Variants in MAP2K4 observed in about 807,000 individuals in gnomAD.
MAP2K4 encodes the protein mitogen-activated protein kinase kinase 4, also known as dual specificity mitogen-activated protein kinase kinase 4.
A neutral mutation model predicts 48.5 loss-of-function variants in MAP2K4; 4 were observed. The observed-to-expected ratio is 0.08, with a 90% CI of 0.04 to 0.19. MAP2K4 has a LOEUF of 0.19. Ranked by LOEUF, MAP2K4 falls within the 10% of genes least tolerant of loss-of-function variation. The pLI, the probability that MAP2K4 is intolerant of heterozygous loss-of-function variation, is 1.00. For synonymous variants in MAP2K4, 166 were observed against 173.1 expected, an observed-to-expected ratio of 0.96 and a Z score of 0.32; for missense variants, 258 against 493.3, an observed-to-expected ratio of 0.52 and a Z score of 4.52.
intron 2 of MAP2K4, among the ~76,000 whole-genome samples, chr17:12,080,503 C>T (rs1269759593): frequency 6.6e-6 from 1 of 152,024 alleles, no homozygotes; most frequent in African/African-American, 2.4e-5. Flanking sequence ...ACTTTGATCT[C>T]CAGGTTGAGA....
At chr17:12,023,521 C>G (rs28918081) in intron 1 of MAP2K4, among the ~76,000 whole-genome samples, 2,493 of 152,254 alleles carry the variant, frequency 0.016, 103 homozygotes, top group Admixed American at 0.094. Flanking sequence ...AACTTCCTTT[C>G]TGGGAGTTGT....
In MAP2K4 at chr17:12,133,644, G is replaced by A. The variant is rs536935184; in HGVS notation, c.1040+4357G>A. Among the ~76,000 whole-genome samples, 941 of 152,112 alleles carry A rather than the reference G, an allele frequency of 6.2e-3. 2 individuals carry two copies. The highest frequency in any genetic ancestry group is 0.036 in the East Asian group (185 of 5,186). Reference sequence around the variant, plus strand: ...GAAAAATTCTTTATTTGTCCTGGGGGAAGAAAAAACAAAAAATGTTATTCT... The same window carrying A: ...GAAAAATTCTTTATTTGTCCTGGGGAAAGAAAAAACAAAAAATGTTATTCT... On this transcript the variant is annotated intron_variant, in intron 9 of 10. Coordinates refer to ENST00000353533, the MANE Select transcript of MAP2K4 (RefSeq NM_003010.4).
rs1971192285 is a variant in MAP2K4 at position 12,081,732 on chromosome 17, A to G, written c.393+202A>G. Among the ~76,000 whole-genome samples, 1 of 152,194 alleles carries G rather than the reference A, an allele frequency of 6.6e-6. No individual in the cohort carries two copies. Among genetic ancestry groups the G allele is most frequent in the African/African-American group, 2.4e-5 (1 of 41,446 alleles). On this transcript the variant is annotated intron_variant, in intron 3 of 10. Transcript: ENST00000353533. The surrounding 1 kb of genome is among the most constrained non-coding windows in gnomAD (Gnocchi z 4.2). ...TCTATCTCTTTGGAAACATGAGTGT[A>G]TGAAGTGTGCATGTTGATTGCATTT...
At chr17:12,106,987 C>T (rs1972136173) in intron 4 of MAP2K4, among the ~76,000 whole-genome samples, 2 of 151,992 alleles carry the variant, frequency 1.3e-5, no homozygotes. Context: ...CATTCCCAGT[C>T]ATAGGATGAT....
In MAP2K4 at chr17:12,143,142, C is replaced by T. The variant is rs1005010123; in HGVS notation, c.*1882C>T. 3 of 232,952 alleles carry T rather than the reference C, an allele frequency of 1.3e-5. No individual in the cohort carries two copies. Among genetic ancestry groups the T allele is most frequent in the African/African-American group, 6.6e-5 (3 of 45,314 alleles). The allele number at this position is 232,952 out of a possible 1,614,324, so 14.4% of individuals were successfully genotyped here. A position where few individuals can be genotyped will look rare whatever the true frequency, so the allele number is the denominator to read the frequency against. On this transcript the variant is annotated 3_prime_UTR_variant, in exon 11 of 11. Coordinates refer to ENST00000353533, the MANE Select transcript of MAP2K4 (RefSeq NM_003010.4). Reference sequence around the variant, plus strand: ...AAAGGAGACATTGCTCTATGTCTGCCTTCGACCACAGCAAGCCATCATCCT... The same window carrying T: ...AAAGGAGACATTGCTCTATGTCTGCTTTCGACCACAGCAAGCCATCATCCT...
Position 12,081,202 on chromosome 17 carries a change from A to G in MAP2K4, c.219-154A>G, listed in dbSNP as rs1971176194. The stretch of plus-strand genomic sequence containing the variant: ...TCATTCTTAATCCAGTGTGTAAAAA[A>G]CCAGGATGACACAAATGAAAAACTT... On this transcript the variant is annotated intron_variant, in intron 2 of 10. Coordinates refer to ENST00000353533, the MANE Select transcript of MAP2K4 (RefSeq NM_003010.4). This position sits in a 1 kb window ranked among gnomAD's most constrained non-coding sequence, Gnocchi z 4.2. Among the ~76,000 whole-genome samples the G allele has an allele frequency of 2.6e-5, 4 of 152,206 alleles. No homozygotes were observed. Among genetic ancestry groups the G allele is most frequent in the African/African-American group, 9.7e-5 (4 of 41,450 alleles).
At chr17:12,095,927 G>GTGTGTGTA (rs919908493) in intron 4 of MAP2K4, among the ~76,000 whole-genome samples, 29 of 143,840 alleles carry the variant, frequency 2.0e-4, no homozygotes, top group African/African-American at 7.4e-4. Flanking sequence ...GTGTGTGTGT[G>GTGTGTGTA]TATTTTAGTA....
At chr17:12,113,082 T>A in intron 6 of MAP2K4, 151 bp from the exon 7 acceptor site, 1 of 551,692 alleles carries the variant, frequency 1.8e-6, no homozygotes, top group Non-Finnish European at 3.2e-6. Flanking sequence ...TTGTATGTGA[T>A]AAATGAAGAT....
chr17:12,092,557 G>A (rs1971596187), intron 3 of MAP2K4, among the ~76,000 whole-genome samples: 1 of 152,126 alleles, frequency 6.6e-6, no homozygotes, highest in African/African-American at 2.4e-5. Context: ...TTGTCATTAT[G>A]TATTCTACTT....
chr17:12,029,651 C>T (rs1448484271), intron 1 of MAP2K4, among the ~76,000 whole-genome samples: 1 of 152,016 alleles, frequency 6.6e-6, no homozygotes, highest in Non-Finnish European at 1.5e-5. Flanking sequence ...AAAAATTGAA[C>T]ATATTGGCCA....
At chr17:12,094,041 A>G (rs1971650787) in intron 3 of MAP2K4, among the ~76,000 whole-genome samples, 1 of 152,208 alleles carries the variant, frequency 6.6e-6, no homozygotes, top group Non-Finnish European at 1.5e-5. Flanking sequence ...TCCATAAACT[A>G]TGAAAATAAT....
intron 1 of MAP2K4, among the ~76,000 whole-genome samples, chr17:12,024,497 T>G (rs950386566): frequency 6.6e-6 from 1 of 152,196 alleles, no homozygotes; most frequent in Non-Finnish European, 1.5e-5. Context: ...ACCCAACCTT[T>G]ATACGTTGAG....
intron 1 of MAP2K4, among the ~76,000 whole-genome samples, chr17:12,033,456 T>G (rs1969501637): frequency 6.6e-6 from 1 of 152,284 alleles, no homozygotes; most frequent in African/African-American, 2.4e-5. Flanking sequence ...TAGCAAAAAT[T>G]TATTTCTTGA....
intron 1 of MAP2K4, among the ~76,000 whole-genome samples, chr17:12,025,850 A>G (rs1414127433): frequency 6.6e-6 from 1 of 152,090 alleles, no homozygotes; most frequent in African/African-American, 2.4e-5. Flanking sequence ...CCTGCTTTTG[A>G]TTTTGTTTAT....
At chr17:12,089,540 C>T (rs538448487) in intron 3 of MAP2K4, among the ~76,000 whole-genome samples, 128 of 152,288 alleles carry the variant, frequency 8.4e-4, no homozygotes, top group African/African-American at 3.0e-3. Context: ...TTCATTGTGT[C>T]TGAGTCCTAA....
At chr17:12,123,680 C>T (rs1273975746) in intron 7 of MAP2K4, among the ~76,000 whole-genome samples, 4 of 151,966 alleles carry the variant, frequency 2.6e-5, no homozygotes, top group African/African-American at 9.7e-5. Context: ...TATACATTTT[C>T]TTCTGAGCAC....
At chr17:12,104,993 T>A (rs1249767976) in intron 4 of MAP2K4, among the ~76,000 whole-genome samples, 2 of 152,194 alleles carry the variant, frequency 1.3e-5, no homozygotes, top group Admixed American at 1.3e-4. Context: ...AATGCATTCT[T>A]TTGCTATGAT....
chr17:12,126,128 G>A (rs771156089), intron 8 of MAP2K4, among the ~76,000 whole-genome samples: 2 of 152,098 alleles, frequency 1.3e-5, no homozygotes, highest in African/African-American at 2.4e-5. Flanking sequence ...CCACCAGGCC[G>A]CTCCTTCAAC....
At chr17:12,123,357 C>G (rs1378469175) in intron 7 of MAP2K4, among the ~76,000 whole-genome samples, 4 of 152,098 alleles carry the variant, frequency 2.6e-5, no homozygotes, top group African/African-American at 9.7e-5. Context: ...ATTTCTGTTT[C>G]ATCTATTTCT....
Sources: gnomAD v4.1 joint callset for allele counts (sites outside exome capture counted in the v4.1 genomes callset) on GRCh38, gnomAD v4.1.1 for gene constraint, Gnocchi (gnomAD v3.1) non-coding constraint, MANE v1.5 for transcripts, NCBI Gene and HGNC (gene_info 2026-07-23, HGNC 2026-07-21) for gene names.